DNAL1: variants seen among roughly 807,000 people sequenced by gnomAD.
DNAL1 encodes chromosome 14 open reading frame 168.
DNAL1 carries 17 observed loss-of-function variants against 29.4 expected under a neutral mutation model. The ratio of observed to expected loss-of-function variants is 0.58; its 90% CI spans 0.40 to 0.87. The LOEUF (loss-of-function observed/expected upper bound fraction) is 0.87, where lower values mean the gene tolerates loss of function less well. Among genes scored for constraint, DNAL1 ranks in the 40% least tolerant of loss-of-function variants. The pLI is 0.00. For missense variants in DNAL1, 188 were observed against 214.1 expected, an observed-to-expected ratio of 0.88 and a Z score of 0.76; for synonymous variants, 78 against 76.3, an observed-to-expected ratio of 1.02 and a Z score of -0.12.
In DNAL1 at chr14:73,677,792, C is replaced by T. The variant is rs574164734; in HGVS notation, c.264+6195C>T. Among the ~76,000 whole-genome samples the T allele has an allele frequency of 8.1e-3, 1,217 of 150,858 alleles. 26 individuals are homozygous for T. Among genetic ancestry groups the T allele is most frequent in the African/African-American group, 0.028 (1,152 of 41,210 alleles). ...CAGGATGGTCTCGATCTCCTGACCT[C>T]GTGATCCGCCCACCTTGGCCTCCCA... On this transcript the variant is annotated intron_variant, in intron 5 of 7. Transcript: ENST00000553645.
At position 73,703,147 on chromosome 14, in the gene DNAL1, A is replaced by G. The variant is rs1260477742; in HGVS notation, c.*7205A>G. ...AATTTCAATTTCTGAGTTTATACAA[A>G]GAAAGCCTTAATTCAGATCATAAAT... On this transcript the variant is annotated 3_prime_UTR_variant, in exon 8 of 8. Coordinates refer to ENST00000553645, the MANE Select transcript of DNAL1 (RefSeq NM_031427.4). 2 of 152,208 alleles carry G rather than the reference A, an allele frequency of 1.3e-5. No individual in the cohort carries two copies. The highest frequency in any genetic ancestry group is 6.5e-5 in the Admixed American group (1 of 15,284). 9.4% of individuals were successfully genotyped at this position (152,208 alleles called of 1,614,324 possible). A position where few individuals can be genotyped will look rare whatever the true frequency, so the allele number is the denominator to read the frequency against.
intron 4 of DNAL1, among the ~76,000 whole-genome samples, chr14:73,670,027 C>G (rs1208871766): frequency 6.6e-6 from 1 of 152,086 alleles, no homozygotes; most frequent in African/African-American, 2.4e-5. Flanking sequence ...GTATTGTGTA[C>G]TTACCATGGG....
intron 5 of DNAL1, among the ~76,000 whole-genome samples, chr14:73,682,866 G>GT: frequency 8.8e-6 from 1 of 113,870 alleles, no homozygotes; most frequent in African/African-American, 3.7e-5. Flanking sequence ...CTGTTTTATA[G>GT]TTATTTTTTT....
rs1566885329 is a variant in DNAL1 at position 73,671,522 on chromosome 14, A to G, written c.209-20A>G. 2.1e-6 allele frequency: 3 copies of G among 1,446,732 alleles called. No homozygotes were observed. Among genetic ancestry groups the G allele is most frequent in the Admixed American group, 5.3e-5 (2 of 37,580 alleles). 89.6% of individuals were successfully genotyped at this position (1,446,732 alleles called of 1,614,324 possible). On this transcript the variant is annotated intron_variant, in intron 4 of 7. Transcript: ENST00000553645. ...TAATATGATTCTAGTAAACAAAAAAATGTTTTCTTTTCACTACAGAAAACT... is the reference window on the plus strand; with the variant it reads ...TAATATGATTCTAGTAAACAAAAAAGTGTTTTCTTTTCACTACAGAAAACT...
chr14:73,662,064 A>G (rs1595207337), intron 4 of DNAL1, 22 bp downstream of exon 4: 1 of 1,538,846 alleles, frequency 6.5e-7, no homozygotes, highest in East Asian at 2.4e-5. Context: ...ACAGTAACAG[A>G]TGGTTCATGG....
At chr14:73,663,637 T>C (rs1007549980) in intron 4 of DNAL1, among the ~76,000 whole-genome samples, 4 of 152,222 alleles carry the variant, frequency 2.6e-5, no homozygotes, top group Non-Finnish European at 5.9e-5. Flanking sequence ...TTACAACTTT[T>C]GTGATAGTCA....
chr14:73,654,789 C>T, intron 1 of DNAL1, 58 bp from the exon 2 acceptor site: 1 of 1,429,672 alleles, frequency 7.0e-7, no homozygotes, highest in African/African-American at 1.5e-5. Flanking sequence ...TACATACATA[C>T]ATTCATACAT....
intron 5 of DNAL1, among the ~76,000 whole-genome samples, chr14:73,683,287 A>G (rs1891935795): frequency 6.6e-6 from 1 of 152,188 alleles, no homozygotes; most frequent in African/African-American, 2.4e-5. Flanking sequence ...ATTATGTACT[A>G]TACATAAGTG....
intron 7 of DNAL1, among the ~76,000 whole-genome samples, chr14:73,694,169 G>A (rs901317046): frequency 6.6e-6 from 1 of 151,542 alleles, no homozygotes; most frequent in Non-Finnish European, 1.5e-5. Flanking sequence ...TACTTGGGAG[G>A]CTGAGGCATG....
At chr14:73,683,002 G>A (rs1443650340) in intron 5 of DNAL1, among the ~76,000 whole-genome samples, 3 of 150,942 alleles carry the variant, frequency 2.0e-5, no homozygotes, top group Admixed American at 6.6e-5. Context: ...TCAGCCTTCC[G>A]AGTAGCTGGG....
intron 7 of DNAL1, among the ~76,000 whole-genome samples, chr14:73,693,133 C>G (rs993355068): frequency 3.9e-5 from 6 of 152,108 alleles, no homozygotes; most frequent in Non-Finnish European, 7.4e-5. Flanking sequence ...CGCGCCCAGC[C>G]TAAAGCTGAG....
At chr14:73,671,038 G>A (rs981084462) in intron 4 of DNAL1, among the ~76,000 whole-genome samples, 1 of 152,002 alleles carries the variant, frequency 6.6e-6, no homozygotes, top group African/African-American at 2.4e-5. Context: ...GCCCGGCCAG[G>A]CATTTTATTT....
At chr14:73,677,884 T>TTTGTGTGTGTGTGTGTGTGTGTG (rs1555402398) in intron 5 of DNAL1, among the ~76,000 whole-genome samples, 1 of 96,130 alleles carries the variant, frequency 1.0e-5, no homozygotes, top group African/African-American at 3.8e-5. Context: ...ATATATATAT[T>TTTGTGTGTGTGTGTGTGTGTGTG]TGTGTGTGTG....
chr14:73,651,618 C>G (rs1218087328), intron 1 of DNAL1, among the ~76,000 whole-genome samples: 1 of 152,048 alleles, frequency 6.6e-6, no homozygotes, highest in African/African-American at 2.4e-5. Context: ...TATGCCTTGT[C>G]TGGGTTTTAA....
chr14:73,660,425 T>G (rs1305291556), intron 3 of DNAL1, among the ~76,000 whole-genome samples: 1 of 152,210 alleles, frequency 6.6e-6, no homozygotes, highest in Non-Finnish European at 1.5e-5. Flanking sequence ...ATAGAATCAC[T>G]GGGTTTTTTT....
intron 5 of DNAL1, among the ~76,000 whole-genome samples, chr14:73,673,586 T>G (rs1891662997): frequency 6.6e-6 from 1 of 152,158 alleles, no homozygotes; most frequent in Non-Finnish European, 1.5e-5. Context: ...CTTTATTGCT[T>G]ATTTGCAGAA....
intron 5 of DNAL1, among the ~76,000 whole-genome samples, chr14:73,678,023 A>C (rs1891787867): frequency 1.3e-5 from 2 of 151,286 alleles, no homozygotes; most frequent in Non-Finnish European, 2.9e-5. Context: ...CAGCCTCCCA[A>C]GTACTTGGGA....
In DNAL1 at chr14:73,658,946, G is replaced by A. The variant is rs756001510; in HGVS notation, c.142G>A (p.Ala48Thr). Residue 48 changes from alanine to threonine, a missense_variant, in exon 3 of 8, where the codon GCT (alanine) becomes ACT (threonine). Coordinates refer to ENST00000553645, the MANE Select transcript of DNAL1 (RefSeq NM_031427.4). ...GATGGATGCATCCTTGTCCATGCTT[G>A]CTAATTGCGAGTAAGTTCTCTTTTC... The part of the protein sequence containing the change: ...EKMDASLSML[A>T]NCEKLSLSTN... The A allele has an allele frequency of 1.3e-6, 2 of 1,503,612 alleles. No individual in the cohort carries two copies. The highest frequency in any genetic ancestry group is 1.8e-6 in the Non-Finnish European group (2 of 1,123,250). The allele number at this position is 1,503,612 out of a possible 1,614,324, so 93.1% of individuals were successfully genotyped here.
chr14:73,690,321 C>T (rs541786267), intron 7 of DNAL1, among the ~76,000 whole-genome samples: 3 of 152,082 alleles, frequency 2.0e-5, no homozygotes, highest in Admixed American at 6.6e-5. Flanking sequence ...CTCACTCTTC[C>T]CTGTATCACA....
Sources: gnomAD v4.1 joint callset for allele counts (sites outside exome capture counted in the v4.1 genomes callset) on GRCh38, gnomAD v4.1.1 for gene constraint, MANE v1.5 for transcripts, NCBI Gene and HGNC (gene_info 2026-07-23, HGNC 2026-07-21) for gene names.